NRG1: variants seen among roughly 807,000 people sequenced by gnomAD.
The protein encoded by NRG1 is neuregulin 1.
In NRG1, 18 loss-of-function variants were observed where a neutral mutation model predicts 63.8. The ratio of observed to expected loss-of-function variants is 0.28; its 90% CI spans 0.19 to 0.42. The LOEUF (loss-of-function observed/expected upper bound fraction) is 0.42, where lower values mean the gene tolerates loss of function less well. Among genes scored for constraint, NRG1 ranks in the 10% least tolerant of loss-of-function variants. The pLI, the probability that NRG1 is intolerant of heterozygous loss-of-function variation, is 1.00. For synonymous variants in NRG1, 302 were observed against 301.3 expected, an observed-to-expected ratio of 1.00 and a Z score of -0.02; for missense variants, 762 against 814.7, an observed-to-expected ratio of 0.94 and a Z score of 0.79.
At chr8:32,611,032 C>G (rs796656015) in intron 3 of NRG1, among the ~76,000 whole-genome samples, 19 of 152,248 alleles carry the variant, frequency 1.2e-4, no homozygotes, top group African/African-American at 4.3e-4. Context: ...TTTGTGAAAA[C>G]TCCTGGGCTT....
upstream of NRG1, chr8:32,548,175 C>G (rs963367953): frequency 1.0e-6 from 1 of 953,960 alleles, no homozygotes; most frequent in African/African-American, 1.8e-5. Flanking sequence ...GTCCGCGCCT[C>G]GGGGTGGGGG....
At chr8:31,965,634 T>C (rs2129627239) in intron 1 of NRG1, among the ~76,000 whole-genome samples, 1 of 152,326 alleles carries the variant, frequency 6.6e-6, no homozygotes, top group East Asian at 1.9e-4. Context: ...CTTCATACTG[T>C]TTTCTATACG....
At chr8:32,131,406 G>A (rs1834806571) in intron 1 of NRG1, among the ~76,000 whole-genome samples, 1 of 151,858 alleles carries the variant, frequency 6.6e-6, no homozygotes, top group African/African-American at 2.4e-5. Context: ...TAAACTGCAG[G>A]GCAGAGAGTT....
intron 1 of NRG1, among the ~76,000 whole-genome samples, chr8:31,976,679 G>A (rs62507244): frequency 1.6e-4 from 1 of 6,088 alleles, no homozygotes; most frequent in Non-Finnish European, 4.2e-4. Flanking sequence ...GTGTGTGTGT[G>A]TGTGTGTGTG....
At position 32,475,915 on chromosome 8, in the gene NRG1, G is replaced by A. The variant is rs186995945; in HGVS notation, c.38-119913G>A. Among the ~76,000 whole-genome samples the A allele has an allele frequency of 1.2e-4, 19 of 152,246 alleles. No homozygotes were observed. The East Asian group carries it at 3.7e-3, about 29-fold the overall frequency. The stretch of plus-strand genomic sequence containing the variant: ...ATCCTATGTATCAGGCTTGAATTAG[G>A]TGCTTTAAGTGGGTTGTCTCAATTA... On this transcript the variant is annotated intron_variant, in intron 1 of 10. Transcript: ENST00000519301.
At chr8:31,852,347 C>A (rs1258561472) in intron 1 of NRG1, among the ~76,000 whole-genome samples, 1 of 150,776 alleles carries the variant, frequency 6.6e-6, no homozygotes, top group Non-Finnish European at 1.5e-5. Context: ...ATTTGCATTT[C>A]TCTGATGGCC....
rs551952491 is a variant in NRG1, at chr8:32,241,000, A to T, written c.38-354828A>T. ...CCTTTTTAAAAAAGCAATACAAGCC[A>T]GCAGAAAAAGGAAAGATGGGACTCT... On this transcript the variant is annotated intron_variant, in intron 1 of 10. Coordinates refer to the NRG1 transcript ENST00000519301. Among the ~76,000 whole-genome samples the T allele has an allele frequency of 6.6e-5, 10 of 152,292 alleles. No individual in the cohort carries two copies. In the South Asian group the frequency reaches 2.1e-3, roughly 32 times the overall value.
intron 5 of NRG1, among the ~76,000 whole-genome samples, chr8:32,709,467 T>A (rs1486884443): frequency 6.6e-6 from 1 of 152,140 alleles, no homozygotes; most frequent in Non-Finnish European, 1.5e-5. Flanking sequence ...TTGCCCCAGC[T>A]GGAGTACAGT....
At chr8:32,090,554 C>CA (rs1412349308) in intron 1 of NRG1, among the ~76,000 whole-genome samples, 1 of 152,178 alleles carries the variant, frequency 6.6e-6, no homozygotes, top group Non-Finnish European at 1.5e-5. Context: ...CTCTTGACCT[C>CA]AGGTGTTCTG....
rs751355990 is a variant in NRG1, at chr8:31,872,312, AT to A, written c.37+232890del. ...GCCCTTCCACTTTTATCCTTTTACC[AT>A]TTTTTTTTATTGGCCTCAGTACTGA... On this transcript the variant is annotated intron_variant, in intron 1 of 10. Coordinates refer to the NRG1 transcript ENST00000519301. Among the ~76,000 whole-genome samples, 674 of 150,728 alleles carry A rather than the reference AT, an allele frequency of 4.5e-3. 10 individuals are homozygous for A. Among genetic ancestry groups the A allele is most frequent in the East Asian group, 0.03 (154 of 5,150 alleles).
At chr8:31,742,399 A>G (rs1314532991) in intron 1 of NRG1, among the ~76,000 whole-genome samples, 11 of 151,208 alleles carry the variant, frequency 7.3e-5, no homozygotes, top group African/African-American at 2.2e-4. Context: ...CTGCATTAAA[A>G]TAAAAAGAAA....
At chr8:31,743,092 A>C (rs1174390055) in intron 1 of NRG1, among the ~76,000 whole-genome samples, 4 of 151,996 alleles carry the variant, frequency 2.6e-5, no homozygotes, top group African/African-American at 7.2e-5. Context: ...TCAAATAACA[A>C]TATCTCCAGG....
chr8:32,465,334 A>G (rs1205166504), intron 1 of NRG1, among the ~76,000 whole-genome samples: 4 of 152,234 alleles, frequency 2.6e-5, no homozygotes, highest in African/African-American at 9.6e-5. Context: ...TCACCATATC[A>G]TAAACGTATA....
At position 31,810,837 on chromosome 8, in the gene NRG1, A is replaced by C. The variant is rs147474101; in HGVS notation, c.37+171406A>C. Among the ~76,000 whole-genome samples, 1,510 of 152,320 alleles carry C rather than the reference A, an allele frequency of 9.9e-3. 9 individuals carry two copies. The highest frequency in any genetic ancestry group is 0.014 in the Non-Finnish European group (948 of 68,026). On this transcript the variant is annotated intron_variant, in intron 1 of 10. Transcript: ENST00000519301. ...CCAGCATATCCTCTGAGGGTGCTGA[A>C]TCATTTCTGTTACATAGTGGGTGCA...
chr8:31,911,722 TAAAAA>T (rs888069619), intron 1 of NRG1, among the ~76,000 whole-genome samples: 1 of 152,172 alleles, frequency 6.6e-6, no homozygotes, highest in African/African-American at 2.4e-5. Flanking sequence ...CCTCTGAACT[TAAAAA>T]AGAAACTTTT....
intron 1 of NRG1, among the ~76,000 whole-genome samples, chr8:31,944,972 A>C (rs1297851099): frequency 6.6e-6 from 1 of 152,194 alleles, no homozygotes; most frequent in African/African-American, 2.4e-5. Context: ...GTTCTCTTCC[A>C]ATGTGCTCCT....
At chr8:31,903,188 GC>G (rs1832235437) in intron 1 of NRG1, among the ~76,000 whole-genome samples, 1 of 121,432 alleles carries the variant, frequency 8.2e-6, no homozygotes, top group Non-Finnish European at 1.6e-5. Flanking sequence ...TCACTCTGTT[GC>G]CCAGGCTGAA....
At chr8:32,017,792 C>T (rs1387066327) in intron 1 of NRG1, among the ~76,000 whole-genome samples, 1 of 152,186 alleles carries the variant, frequency 6.6e-6, no homozygotes, top group East Asian at 1.9e-4. Flanking sequence ...GGAACCTCCA[C>T]ACATTTGGCT....
intron 5 of NRG1, among the ~76,000 whole-genome samples, chr8:32,643,632 A>G (rs1053425196): frequency 2.0e-5 from 3 of 152,188 alleles, no homozygotes; most frequent in Non-Finnish European, 4.4e-5. Context: ...CGGTTGTTGT[A>G]AGCTATTTCC....
Sources: gnomAD v4.1 joint callset for allele counts (sites outside exome capture counted in the v4.1 genomes callset) on GRCh38, gnomAD v4.1.1 for gene constraint, MANE v1.5 for transcripts, NCBI Gene and HGNC (gene_info 2026-07-23, HGNC 2026-07-21) for gene names.